PTPN13: variants seen among roughly 807,000 people sequenced by gnomAD.
The protein encoded by PTPN13 is protein tyrosine phosphatase non-receptor type 13, also known as tyrosine-protein phosphatase non-receptor type 13.
A neutral mutation model predicts 284.0 loss-of-function variants in PTPN13; 191 were observed. That is an observed-to-expected ratio of 0.67 (90% confidence interval 0.60 to 0.76). PTPN13 has a LOEUF of 0.76. PTPN13 is among the 30% of genes least tolerant of loss of function. The pLI, the probability that PTPN13 is intolerant of heterozygous loss-of-function variation, is 0.00. For missense variants in PTPN13, 2,797 were observed against 2,939.9 expected (o/e 0.95, Z 1.12); for synonymous variants, 986 against 1,022.3 (o/e 0.96, Z 0.68).
chr4:86,597,980 G>A lies in PTPN13; in HGVS notation c.-6+3191G>A, dbSNP rs115928159. Reference sequence around the variant, plus strand: ...TTTGTTTTGATTTGTTTTCACACTGGAAAAGTATGAAAATTCTCTGAAACA... The same window carrying A: ...TTTGTTTTGATTTGTTTTCACACTGAAAAAGTATGAAAATTCTCTGAAACA... On this transcript the variant is annotated intron_variant, in intron 1 of 47. Transcript: ENST00000411767. 9.0e-3 allele frequency among the ~76,000 whole-genome samples: 1,364 copies of A among 152,196 alleles called. 6 individuals are homozygous for A. Among genetic ancestry groups the A allele is most frequent in the Non-Finnish European group, 0.013 (909 of 68,018 alleles).
chr4:86,701,919 C>T (rs1731209149), intron 7 of PTPN13, 118 bp downstream of exon 7: 2 of 965,294 alleles, frequency 2.1e-6, no homozygotes, highest in Non-Finnish European at 1.5e-6. Flanking sequence ...ATTTTTGTAC[C>T]CTGGTTAGTC....
At chr4:86,706,298 CCAGATACATGT>C (rs1368762048) in intron 7 of PTPN13, among the ~76,000 whole-genome samples, 2 of 152,092 alleles carry the variant, frequency 1.3e-5, no homozygotes, top group African/African-American at 2.4e-5. Flanking sequence ...AAAGAAGAGA[CCAGATACATGT>C]CAGATACATG....
At position 86,636,523 on chromosome 4, in the gene PTPN13, G is replaced by A. The variant is rs377473539; in HGVS notation, c.115+1152G>A. 3.0e-4 allele frequency among the ~76,000 whole-genome samples: 45 copies of A among 152,242 alleles called. 1 individual carries two copies. The South Asian group carries it at 9.3e-3, about 32-fold the overall frequency. On this transcript the variant is annotated intron_variant, in intron 2 of 47. Transcript: ENST00000411767. ...AAAAAAGCCTGACAGAAATAAGTAAGGATTGAGGGTAGTGATAGTTCTGAA... is the reference window on the plus strand; with the variant it reads ...AAAAAAGCCTGACAGAAATAAGTAAAGATTGAGGGTAGTGATAGTTCTGAA...
intron 2 of PTPN13, among the ~76,000 whole-genome samples, chr4:86,638,056 C>A (rs1409937144): frequency 1.3e-5 from 2 of 152,076 alleles, no homozygotes; most frequent in East Asian, 1.9e-4. Flanking sequence ...AGAGCCAAAT[C>A]ATGAGTGAAC....
rs547183079 is a variant in PTPN13 at position 86,608,676 on chromosome 4, G to T, written c.-6+13887G>T. ...ATATAGATGGTAAGTGGGAGAGCCA[G>T]CATTTTGCATCTAGGCAATCTGGTT... On this transcript the variant is annotated intron_variant, in intron 1 of 47. Transcript: ENST00000411767. Among the ~76,000 whole-genome samples the T allele has an allele frequency of 1.4e-4, 21 of 152,190 alleles. No individual in the cohort carries two copies. The East Asian group carries it at 3.9e-3, about 28-fold the overall frequency.
chr4:86,700,458 A>G (rs1372588515), intron 6 of PTPN13, among the ~76,000 whole-genome samples: 4 of 152,140 alleles, frequency 2.6e-5, no homozygotes, highest in Non-Finnish European at 4.4e-5. Flanking sequence ...TGTCACATTT[A>G]TAGACTACTG....
At chr4:86,801,585 T>C (rs1351621277) in intron 42 of PTPN13, among the ~76,000 whole-genome samples, 2 of 152,204 alleles carry the variant, frequency 1.3e-5, no homozygotes, top group Non-Finnish European at 2.9e-5. Flanking sequence ...TGAACCAGTT[T>C]GAATAACATT....
intron 3 of PTPN13, among the ~76,000 whole-genome samples, chr4:86,673,726 G>C (rs1249351873): frequency 6.6e-6 from 1 of 151,942 alleles, no homozygotes; most frequent in East Asian, 1.9e-4. Flanking sequence ...GTTTTGTTTT[G>C]AGACGGAGTC....
chr4:86,737,017 C>A (rs947860494), intron 15 of PTPN13, among the ~76,000 whole-genome samples: 1 of 152,026 alleles, frequency 6.6e-6, no homozygotes, highest in Admixed American at 6.6e-5. Flanking sequence ...TGCTTTATTG[C>A]AGTATAATTT....
intron 41 of PTPN13, among the ~76,000 whole-genome samples, chr4:86,797,180 G>A (rs1743439580): frequency 6.6e-6 from 1 of 152,076 alleles, no homozygotes. Context: ...CCAACATGGT[G>A]AAACCCTGTT....
chr4:86,662,581 C>T (rs1332050288), intron 2 of PTPN13, among the ~76,000 whole-genome samples: 1 of 152,140 alleles, frequency 6.6e-6, no homozygotes, highest in Non-Finnish European at 1.5e-5. Flanking sequence ...CCACCTGCCT[C>T]GGCCTCCCAA....
Position 86,758,747 on chromosome 4 carries a change from C to G in PTPN13, c.3383C>G (p.Pro1128Arg). 6.2e-7 allele frequency: 1 copy of G among 1,613,762 alleles called. No homozygotes were observed. The highest frequency in any genetic ancestry group is 8.5e-7 in the Non-Finnish European group (1 of 1,179,758). ...DLGIFISSVA[P>R]GGPADLDGCL... Reference sequence around the variant, plus strand: ...GGCATATTTATCAGTTCAGTTGCCCCTGGAGGACCAGCTGACTTGGATGGA... The same window carrying G: ...GGCATATTTATCAGTTCAGTTGCCCGTGGAGGACCAGCTGACTTGGATGGA... Residue 1128 changes from proline (P) to arginine (R), a missense_variant, in exon 22 of 48, where the codon CCT becomes CGT. Transcript: ENST00000411767.
At chr4:86,663,600 A>T (rs1044404754) in intron 2 of PTPN13, among the ~76,000 whole-genome samples, 1 of 152,212 alleles carries the variant, frequency 6.6e-6, no homozygotes. Context: ...CCAAGGTGCC[A>T]TAATTATGGG....
intron 41 of PTPN13, among the ~76,000 whole-genome samples, chr4:86,797,330 A>G (rs1743457349): frequency 6.6e-6 from 1 of 152,032 alleles, no homozygotes; most frequent in Admixed American, 6.6e-5. Flanking sequence ...TGCCTCTACT[A>G]AAAATATAAA....
chr4:86,707,642 A>AT (rs1337018821), intron 7 of PTPN13, among the ~76,000 whole-genome samples: 1 of 151,448 alleles, frequency 6.6e-6, no homozygotes, highest in Non-Finnish European at 1.5e-5. Flanking sequence ...AGATATATAT[A>AT]TTTTTTCAAA....
intron 14 of PTPN13, 116 bp from the exon 15 acceptor site, chr4:86,735,478 A>T: frequency 9.8e-7 from 1 of 1,021,406 alleles, no homozygotes. Flanking sequence ...TCAGAGAGAG[A>T]GGTAGAAATA....
At chr4:86,672,944 G>A (rs1392459802) in intron 3 of PTPN13, among the ~76,000 whole-genome samples, 1 of 152,140 alleles carries the variant, frequency 6.6e-6, no homozygotes, top group Non-Finnish European at 1.5e-5. Context: ...ATGGGGTGGT[G>A]GGGGAATGGT....
intron 2 of PTPN13, among the ~76,000 whole-genome samples, chr4:86,647,620 T>C (rs1425742843): frequency 6.6e-6 from 1 of 152,150 alleles, no homozygotes; most frequent in South Asian, 2.1e-4. Context: ...ATTGTGTTCC[T>C]CAAACATTCA....
chr4:86,622,840 G>A (rs1721409972), intron 1 of PTPN13, among the ~76,000 whole-genome samples: 1 of 152,136 alleles, frequency 6.6e-6, no homozygotes, highest in Non-Finnish European at 1.5e-5. Flanking sequence ...CATATATTCA[G>A]TTACCTACTT....
Sources: allele counts gnomAD v4.1 joint callset (sites outside exome capture counted in the v4.1 genomes callset), GRCh38; gene constraint gnomAD v4.1.1; transcripts MANE v1.5; gene names NCBI Gene and HGNC (gene_info 2026-07-23, HGNC 2026-07-21).